Variants in UNC5D observed in about 807,000 individuals in gnomAD.
The protein encoded by UNC5D is netrin receptor UNC5D.
In UNC5D, 39 loss-of-function variants were observed where a neutral mutation model predicts 105.4. The observed-to-expected ratio is 0.37, with a 90% CI of 0.29 to 0.48. The LOEUF is 0.48. UNC5D is among the 20% of genes least tolerant of loss of function. The pLI, the probability that UNC5D is intolerant of heterozygous loss-of-function variation, is 0.98. For synonymous variants in UNC5D, 452 were observed against 450.4 expected, an observed-to-expected ratio of 1.00 and a Z score of -0.04; for missense variants, 991 against 1,202.4, an observed-to-expected ratio of 0.82 and a Z score of 2.60.
intron 1 of UNC5D, among the ~76,000 whole-genome samples, chr8:35,518,910 G>A (rs1813283564): frequency 6.6e-6 from 1 of 152,002 alleles, no homozygotes; most frequent in Non-Finnish European, 1.5e-5. Context: ...AGATCCCTTT[G>A]GTTACATATT....
intron 2 of UNC5D, among the ~76,000 whole-genome samples, chr8:35,564,606 A>T (rs747333796): frequency 7.2e-5 from 11 of 152,150 alleles, no homozygotes; most frequent in Non-Finnish European, 1.3e-4. Context: ...ACAAACAAAT[A>T]AATTAATGGC....
At chr8:35,700,641 G>A (rs918455021) in intron 7 of UNC5D, among the ~76,000 whole-genome samples, 2 of 152,130 alleles carry the variant, frequency 1.3e-5, no homozygotes, top group Non-Finnish European at 2.9e-5. Flanking sequence ...GGCTTCCCAA[G>A]GCGAGACAAC....
At chr8:35,736,233 T>C (rs977027018) in intron 11 of UNC5D, among the ~76,000 whole-genome samples, 3 of 152,034 alleles carry the variant, frequency 2.0e-5, no homozygotes, top group Non-Finnish European at 4.4e-5. Context: ...TAATAGGGCA[T>C]GGGGGTAAAT....
At chr8:35,257,441 G>C (rs1804163608) in intron 1 of UNC5D, among the ~76,000 whole-genome samples, 1 of 152,162 alleles carries the variant, frequency 6.6e-6, no homozygotes, top group Admixed American at 6.5e-5. Flanking sequence ...TATGCTGGCT[G>C]ATGACTGGAC....
At chr8:35,512,549 A>G (rs527792817) in intron 1 of UNC5D, among the ~76,000 whole-genome samples, 2 of 79,290 alleles carry the variant, frequency 2.5e-5, no homozygotes, top group African/African-American at 1.4e-4. Context: ...GTATATATAT[A>G]TATATATATA....
chr8:35,608,499 C>A (rs555559594), intron 4 of UNC5D, among the ~76,000 whole-genome samples: 1 of 152,284 alleles, frequency 6.6e-6, no homozygotes, highest in South Asian at 2.1e-4. Context: ...GCCCTGAAGA[C>A]AGGGCTTTCA....
chr8:35,420,213 T>A (rs1805804891), intron 1 of UNC5D, among the ~76,000 whole-genome samples: 1 of 152,108 alleles, frequency 6.6e-6, no homozygotes, highest in South Asian at 2.1e-4. Flanking sequence ...TCTTCTTTTT[T>A]TACAATAAAA....
At chr8:35,337,052 A>G (rs1811097986) in intron 1 of UNC5D, among the ~76,000 whole-genome samples, 1 of 152,220 alleles carries the variant, frequency 6.6e-6, no homozygotes, top group Admixed American at 6.5e-5. Context: ...AATATTCAAA[A>G]TGCTGACCCC....
At chr8:35,627,588 A>C (rs1821763397) in intron 4 of UNC5D, among the ~76,000 whole-genome samples, 1 of 152,150 alleles carries the variant, frequency 6.6e-6, no homozygotes, top group Non-Finnish European at 1.5e-5. Flanking sequence ...TCATCATTAT[A>C]AGAAATTCCA....
At chr8:35,425,344 G>A (rs894575961) in intron 1 of UNC5D, among the ~76,000 whole-genome samples, 14 of 152,128 alleles carry the variant, frequency 9.2e-5, no homozygotes, top group African/African-American at 2.2e-4. Context: ...GATCTGGGAA[G>A]TTTCCACTTC....
intron 1 of UNC5D, among the ~76,000 whole-genome samples, chr8:35,394,565 TATG>T (rs1051574353): frequency 6.6e-6 from 1 of 152,068 alleles, no homozygotes; most frequent in African/African-American, 2.4e-5. Context: ...ATTTGAAATT[TATG>T]ATGAGCATTT....
At chr8:35,568,890 G>C (rs1347176860) in intron 3 of UNC5D, among the ~76,000 whole-genome samples, 3 of 152,110 alleles carry the variant, frequency 2.0e-5, no homozygotes. Flanking sequence ...GCACTTATGG[G>C]AAAAGTTGAG....
Position 35,748,485 on chromosome 8 carries a change from CT to C in UNC5D, c.1767-41del, listed in dbSNP as rs761723281. 1.3e-5 allele frequency: 20 copies of C among 1,589,250 alleles called. No individual in the cohort carries two copies. In the Admixed American group the frequency reaches 1.4e-4, roughly 11 times the overall value. On this transcript the variant is annotated intron_variant, in intron 11 of 16. Coordinates refer to ENST00000404895, the MANE Select transcript of UNC5D (RefSeq NM_080872.4). The stretch of plus-strand genomic sequence containing the variant: ...AATTCTCATTCAAATATGGCCCCTC[CT>C]CTACATACTTCTCTCTTCTATCCTT...
chr8:35,248,871 A>T lies in UNC5D; in HGVS notation c.103+12984A>T, dbSNP rs1343247637. 3.1e-5 allele frequency among the ~76,000 whole-genome samples: 3 copies of T among 95,374 alleles called. 1 individual carries two copies. In the East Asian group the frequency reaches 9.7e-4, roughly 31 times the overall value. The allele number at this position is 95,374 out of a possible 152,430, so 62.6% of individuals were successfully genotyped here. A position where few individuals can be genotyped will look rare whatever the true frequency, so the allele number is the denominator to read the frequency against. On this transcript the variant is annotated intron_variant, in intron 1 of 16. Coordinates refer to ENST00000404895, the MANE Select transcript of UNC5D (RefSeq NM_080872.4). ...TTATATATAATTCTATAATAATATAAAAATATATAATATATTATATAAATA... is the reference window on the plus strand; with the variant it reads ...TTATATATAATTCTATAATAATATATAAATATATAATATATTATATAAATA...
intron 2 of UNC5D, among the ~76,000 whole-genome samples, chr8:35,549,937 G>C (rs1815989494): frequency 6.8e-6 from 1 of 146,176 alleles, no homozygotes; most frequent in African/African-American, 2.5e-5. Flanking sequence ...CTCCACATTT[G>C]GTGGTTTCTG....
rs548001035 is a variant in UNC5D, at chr8:35,397,479, G to A, written c.104-151813G>A. ...TATGTTAACCTTTTTTTGCACAATC[G>A]TGTACCAATTTACAACCTTCTCAAC... On this transcript the variant is annotated intron_variant, in intron 1 of 16. Coordinates refer to ENST00000404895, the MANE Select transcript of UNC5D (RefSeq NM_080872.4). 7.2e-5 allele frequency among the ~76,000 whole-genome samples: 11 copies of A among 152,102 alleles called. No homozygotes were observed. In the East Asian group the frequency reaches 1.2e-3, roughly 16 times the overall value.
At chr8:35,402,501 G>A (rs894158854) in intron 1 of UNC5D, among the ~76,000 whole-genome samples, 2 of 152,060 alleles carry the variant, frequency 1.3e-5, no homozygotes, top group African/African-American at 4.8e-5. Context: ...TGGGAATTAT[G>A]GGATCTACAA....
At chr8:35,453,921 C>T (rs1253665296) in intron 1 of UNC5D, among the ~76,000 whole-genome samples, 1 of 152,086 alleles carries the variant, frequency 6.6e-6, no homozygotes, top group Non-Finnish European at 1.5e-5. Context: ...TTTTTCTTTC[C>T]TCTCCCCTAC....
rs551222307 is a variant in UNC5D at position 35,688,652 on chromosome 8, T to C, written c.1084+1943T>C. ...GCTGCCTTCAGAAAGCTTTCCCGCT[T>C]CCTAAATGTAAGGAATCTCAACACA... On this transcript the variant is annotated intron_variant, in intron 7 of 16. Coordinates refer to ENST00000404895, the MANE Select transcript of UNC5D (RefSeq NM_080872.4). Among the ~76,000 whole-genome samples the C allele has an allele frequency of 5.3e-4, 81 of 152,328 alleles. No homozygotes were observed. In the South Asian group the frequency reaches 0.015, roughly 28 times the overall value.
Sources: gnomAD v4.1 joint callset for allele counts (sites outside exome capture counted in the v4.1 genomes callset) on GRCh38, gnomAD v4.1.1 for gene constraint, MANE v1.5 for transcripts, NCBI Gene and HGNC (gene_info 2026-07-23, HGNC 2026-07-21) for gene names.